RSPH14: variants seen among roughly 807,000 people sequenced by gnomAD.
RSPH14 encodes rhabdoid tumor deletion region gene 1.
In RSPH14, 20 loss-of-function variants were observed where a neutral mutation model predicts 26.7. The observed-to-expected ratio is 0.75, with a 90% CI of 0.53 to 1.09. The LOEUF is 1.09. Ranked by LOEUF, RSPH14 falls within the 50% of genes least tolerant of loss-of-function variation. The pLI, the probability that RSPH14 is intolerant of heterozygous loss-of-function variation, is 0.00. For missense variants in RSPH14, 449 were observed against 457.2 expected (o/e 0.98, Z 0.16); for synonymous variants, 177 against 189.3 (o/e 0.93, Z 0.53).
chr22:23,113,447 T>C (rs188035919), intron 4 of RSPH14, among the ~76,000 whole-genome samples: 32 of 152,352 alleles, frequency 2.1e-4, no homozygotes, highest in African/African-American at 7.0e-4. Flanking sequence ...TGAGGGTAGA[T>C]GTAGGCCAAG....
the RSPH14 span, among the ~76,000 whole-genome samples, chr22:23,179,445 G>A: frequency 1.3e-5 from 2 of 152,166 alleles, no homozygotes; most frequent in African/African-American, 4.8e-5. Flanking sequence ...ACCATCAAAG[G>A]TTTTGTTTCA....
At chr22:23,060,406 C>G (rs1300838530) in intron 6 of RSPH14, among the ~76,000 whole-genome samples, 2 of 151,442 alleles carry the variant, frequency 1.3e-5, no homozygotes, top group African/African-American at 4.9e-5. Flanking sequence ...GGAGGCGGAG[C>G]TTGCAGTGAG....
the RSPH14 span, chr22:23,152,358 G>C: frequency 8.4e-7 from 1 of 1,187,080 alleles, no homozygotes. Flanking sequence ...CCAGGAGTGA[G>C]GGGTGTCTCA....
intron 4 of RSPH14, among the ~76,000 whole-genome samples, chr22:23,080,249 A>G (rs916005743): frequency 2.0e-5 from 3 of 152,182 alleles, no homozygotes; most frequent in Non-Finnish European, 4.4e-5. Flanking sequence ...AGGCGACACT[A>G]TCACCCTTTG....
At chr22:23,090,256 C>T (rs892916271) in intron 4 of RSPH14, among the ~76,000 whole-genome samples, 3 of 152,126 alleles carry the variant, frequency 2.0e-5, no homozygotes, top group Non-Finnish European at 4.4e-5. Flanking sequence ...CTGCTTCAGC[C>T]TACTGGCTGG....
the RSPH14 span, among the ~76,000 whole-genome samples, chr22:23,178,615 G>A: frequency 6.6e-6 from 1 of 152,214 alleles, no homozygotes; most frequent in African/African-American, 2.4e-5. Context: ...GGTTAGCAAG[G>A]CCTGCAGAGG....
intron 4 of RSPH14, among the ~76,000 whole-genome samples, chr22:23,069,781 G>C (rs1264880596): frequency 8.5e-5 from 13 of 152,064 alleles, no homozygotes; most frequent in Admixed American, 2.0e-4. Context: ...GGTGTAAATC[G>C]TTAGGGTTTG....
the RSPH14 span, among the ~76,000 whole-genome samples, chr22:23,154,186 C>G: frequency 1.3e-5 from 2 of 152,124 alleles, no homozygotes; most frequent in Non-Finnish European, 2.9e-5. Flanking sequence ...GGCTCGGGCC[C>G]TCACCTCTAC....
chr22:23,150,301 T>C, the RSPH14 span: 10 of 639,472 alleles, frequency 1.6e-5, no homozygotes, highest in Middle Eastern at 4.0e-4. Flanking sequence ...TTCTTTTTTT[T>C]TTCTTTTTTT....
chr22:23,160,989 G>A, the RSPH14 span: 1 of 1,610,430 alleles, frequency 6.2e-7, no homozygotes, highest in South Asian at 1.1e-5. Context: ...CGGCAATGGA[G>A]ACCTAATCCG....
the RSPH14 span, among the ~76,000 whole-genome samples, chr22:23,174,533 CAT>C: frequency 2.0e-5 from 3 of 152,146 alleles, no homozygotes; most frequent in Non-Finnish European, 2.9e-5. Context: ...GATTTAAAAA[CAT>C]AATATGGATT....
intron 4 of RSPH14, among the ~76,000 whole-genome samples, chr22:23,133,173 G>A (rs2070394768): frequency 6.6e-6 from 1 of 152,142 alleles, no homozygotes; most frequent in South Asian, 2.1e-4. Context: ...TCTATTCTTG[G>A]TAGCCATAAG....
chr22:23,163,612 C>CCCCCT, the RSPH14 span: 1 of 147,652 alleles, frequency 6.8e-6, no homozygotes, highest in African/African-American at 2.4e-5. Context: ...GAAAGCCCCC[C>CCCCCT]CCCCGCCACA....
At chr22:23,130,147 G>C (rs1156461939) in intron 4 of RSPH14, among the ~76,000 whole-genome samples, 1 of 120,684 alleles carries the variant, frequency 8.3e-6, no homozygotes, top group Non-Finnish European at 1.8e-5. Flanking sequence ...AAGAAAGAAA[G>C]AAAGAAAGAA....
the RSPH14 span, chr22:23,158,050 C>G: frequency 6.2e-7 from 1 of 1,614,104 alleles, no homozygotes; most frequent in Non-Finnish European, 8.5e-7. Context: ...CCAGGTAAGT[C>G]TGGGCTCTCT....
At chr22:23,161,422 G>A in the RSPH14 span, 5 of 1,290,520 alleles carry the variant, frequency 3.9e-6, no homozygotes, top group South Asian at 1.3e-5. Flanking sequence ...AGCTCTGACT[G>A]TCAGGGCCGG....
chr22:23,097,622 G>A (rs2069165928), intron 4 of RSPH14, among the ~76,000 whole-genome samples: 1 of 152,266 alleles, frequency 6.6e-6, no homozygotes, highest in Non-Finnish European at 1.5e-5. Flanking sequence ...TGTTCCCAGT[G>A]TGTATCTGTG....
In RSPH14 at chr22:23,078,996, G is replaced by A. The variant is rs147408534; in HGVS notation, c.422-14863C>T. Among the ~76,000 whole-genome samples, 1,042 of 152,262 alleles carry A rather than the reference G, an allele frequency of 6.8e-3. 7 individuals carry two copies. The highest frequency in any genetic ancestry group is 0.024 in the African/African-American group (992 of 41,550). On this transcript the variant is annotated intron_variant, in intron 4 of 6. Coordinates refer to ENST00000216036, the MANE Select transcript of RSPH14 (RefSeq NM_014433.3). ...CCAGAAGTCCCCAACTATCCCCTCCGTGAGCCACGTTGACCGATTCCTCAC... is the reference window on the plus strand; with the variant it reads ...CCAGAAGTCCCCAACTATCCCCTCCATGAGCCACGTTGACCGATTCCTCAC...
intron 4 of RSPH14, among the ~76,000 whole-genome samples, chr22:23,119,035 C>G (rs780923474): frequency 1.3e-5 from 2 of 152,222 alleles, no homozygotes; most frequent in Non-Finnish European, 2.9e-5. Flanking sequence ...TGGAGGCCAG[C>G]AGAAGGCATG....
Sources: gnomAD v4.1 joint callset for allele counts (sites outside exome capture counted in the v4.1 genomes callset) on GRCh38, gnomAD v4.1.1 for gene constraint, MANE v1.5 for transcripts, NCBI Gene and HGNC (gene_info 2026-07-23, HGNC 2026-07-21) for gene names.